The following STX18 variants were observed in gnomAD, a reference collection of about 807,000 sequenced individuals.
STX18 encodes syntaxin-18.
Under a neutral mutation model 50.1 loss-of-function variants are expected in STX18, and 40 were observed. That is an observed-to-expected ratio of 0.80 (90% CI 0.62 to 1.04). The LOEUF is 1.04. Ranked by LOEUF, STX18 falls within the 50% of genes least tolerant of loss-of-function variation. STX18 has a pLI of 0.00. For missense variants in STX18, 410 were observed against 415.8 expected, an observed-to-expected ratio of 0.99 and a Z score of 0.12; for synonymous variants, 158 against 151.8, an observed-to-expected ratio of 1.04 and a Z score of -0.30.
At chr4:4,513,241 G>T (rs975250677) in intron 1 of STX18, among the ~76,000 whole-genome samples, 1 of 152,134 alleles carries the variant, frequency 6.6e-6, no homozygotes, top group African/African-American at 2.4e-5. Context: ...CTGATAGAGG[G>T]GGGGACCCTC....
intron 1 of STX18, among the ~76,000 whole-genome samples, chr4:4,540,693 G>A (rs943969887): frequency 6.6e-6 from 1 of 152,210 alleles, no homozygotes; most frequent in African/African-American, 2.4e-5. Context: ...AGGCTGGTCA[G>A]AAGGTAGGTG....
chr4:4,469,866 C>T (rs1369388003), intron 2 of STX18, among the ~76,000 whole-genome samples: 2 of 152,066 alleles, frequency 1.3e-5, no homozygotes, highest in Non-Finnish European at 2.9e-5. Flanking sequence ...CTGAGAGACC[C>T]TATTAGAGGT....
intron 5 of STX18, among the ~76,000 whole-genome samples, chr4:4,449,256 G>A (rs188084455): frequency 4.1e-5 from 6 of 145,816 alleles, no homozygotes; most frequent in East Asian, 3.9e-4. Context: ...TATATTGCCC[G>A]GGTTGGTCTT....
intron 7 of STX18, chr4:4,425,611 C>A (rs936501644): frequency 1.8e-5 from 4 of 217,126 alleles, no homozygotes; most frequent in Non-Finnish European, 3.7e-5. Flanking sequence ...TACTGAAGGA[C>A]TATACATATT....
Position 4,447,546 on chromosome 4 carries a change from G to A in STX18, c.498-9037C>T, listed in dbSNP as rs370863712. Among the ~76,000 whole-genome samples, 499 of 124,004 alleles carry A rather than the reference G, an allele frequency of 4.0e-3. 24 individuals are homozygous for A. The East Asian group carries it at 0.11, about 28-fold the overall frequency. 81.4% of individuals were successfully genotyped at this position (124,004 alleles called of 152,430 possible). A position where few individuals can be genotyped will look rare whatever the true frequency, so the allele number is the denominator to read the frequency against. On this transcript the variant is annotated intron_variant, in intron 5 of 10. Transcript: ENST00000306200. ...GCGGAGCTTGCAGTGAGCCGAGATC[G>A]CGCCACTGCACTCCAGCCTGGGCGA...
intron 1 of STX18, among the ~76,000 whole-genome samples, chr4:4,535,382 T>C (rs1250531523): frequency 6.6e-6 from 1 of 152,170 alleles, no homozygotes; most frequent in Non-Finnish European, 1.5e-5. Context: ...ACTCACAATC[T>C]CATGAAAACT....
At chr4:4,463,612 G>A (rs936767331) in intron 2 of STX18, among the ~76,000 whole-genome samples, 2 of 152,112 alleles carry the variant, frequency 1.3e-5, no homozygotes, top group Non-Finnish European at 2.9e-5. Context: ...CAACCACCTC[G>A]TCAACCTAAC....
chr4:4,540,355 C>G (rs560323257), intron 1 of STX18, among the ~76,000 whole-genome samples: 1 of 152,208 alleles, frequency 6.6e-6, no homozygotes, highest in Non-Finnish European at 1.5e-5. Context: ...CCTTTAAGAT[C>G]TCCGCGTCCA....
At chr4:4,442,960 T>A (rs1394981524) in intron 5 of STX18, among the ~76,000 whole-genome samples, 1 of 152,210 alleles carries the variant, frequency 6.6e-6, no homozygotes, top group Admixed American at 6.5e-5. Flanking sequence ...TGATGCATAT[T>A]AACAACTACA....
intron 1 of STX18, among the ~76,000 whole-genome samples, chr4:4,524,566 C>A (rs968112176): frequency 6.6e-6 from 1 of 152,204 alleles, no homozygotes; most frequent in East Asian, 1.9e-4. Flanking sequence ...GAAAGTGAGG[C>A]CTGCAAGTGC....
In STX18 at chr4:4,425,164, C is replaced by T; in HGVS notation, c.761G>A (p.Arg254Lys). The change falls in exon 8 of 11, where the codon AGG becomes AAG. Residue 254 changes from arginine to lysine, a missense_variant and splice_region_variant. By Grantham distance (26) the Arg-to-Lys change is conservative (BLOSUM62 2). Transcript: ENST00000306200. ...GEMNSLFDEV[R>K]QIEGRVVEIS... ...GCTCACAGAGGAGCTACAAACATAC[C>T]TCACTTCATCAAACAAGCTGTTCAT... The T allele has an allele frequency of 6.2e-7, 1 of 1,613,984 alleles. No individual in the cohort carries two copies. Among genetic ancestry groups the T allele is most frequent in the Non-Finnish European group, 8.5e-7 (1 of 1,179,816 alleles).
intron 1 of STX18, among the ~76,000 whole-genome samples, chr4:4,491,766 C>T (rs1395824013): frequency 6.6e-6 from 1 of 152,040 alleles, no homozygotes; most frequent in Non-Finnish European, 1.5e-5. Context: ...GGATCTAGCG[C>T]AGCCACAGTG....
At chr4:4,462,430 T>C (rs1391663787) in intron 2 of STX18, among the ~76,000 whole-genome samples, 1 of 152,172 alleles carries the variant, frequency 6.6e-6, no homozygotes, top group Non-Finnish European at 1.5e-5. Context: ...CATGGCAGGA[T>C]TGGGACTGGA....
At chr4:4,507,114 A>G in intron 1 of STX18, 1 of 555,994 alleles carries the variant, frequency 1.8e-6, no homozygotes, top group Non-Finnish European at 3.5e-6. Context: ...GTGAAGCCCA[A>G]TGGCAAGAAG....
intron 7 of STX18, among the ~76,000 whole-genome samples, chr4:4,429,055 C>T (rs992692354): frequency 1.2e-4 from 19 of 152,162 alleles, no homozygotes; most frequent in African/African-American, 3.4e-4. Flanking sequence ...GCACTCTCCC[C>T]CACCCTCCAA....
rs1725092764 is a variant in STX18, at chr4:4,423,759, G to A, written c.762-172C>T. The A allele has an allele frequency of 4.7e-6, 3 of 643,618 alleles. No homozygotes were observed. In the African/African-American group the frequency reaches 5.5e-5, roughly 12 times the overall value. The allele number at this position is 643,618 out of a possible 1,614,324, so 39.9% of individuals were successfully genotyped here. On this transcript the variant is annotated intron_variant, in intron 8 of 10. Transcript: ENST00000306200. ...GAGAGGAAGGCGAACTCTCCTTACT[G>A]GGTCACCTTCCCTGTCTTCTGGCAT...
chr4:4,529,318 C>T (rs1032350286), intron 1 of STX18, among the ~76,000 whole-genome samples: 8 of 152,046 alleles, frequency 5.3e-5, no homozygotes, highest in Non-Finnish European at 1.2e-4. Context: ...ATCAAGATCG[C>T]GCCACTGCAC....
chr4:4,512,675 C>T (rs1203694003), intron 1 of STX18, among the ~76,000 whole-genome samples: 1 of 152,166 alleles, frequency 6.6e-6, no homozygotes, highest in Non-Finnish European at 1.5e-5. Flanking sequence ...GAGTTAGGTA[C>T]TCTGGGAAGC....
At chr4:4,500,960 C>G (rs1352651116) in intron 1 of STX18, among the ~76,000 whole-genome samples, 3 of 152,126 alleles carry the variant, frequency 2.0e-5, no homozygotes, top group South Asian at 4.1e-4. Context: ...TTGCTAGAAC[C>G]TAGGAGAAGG....
Sources: gnomAD v4.1 joint callset for allele counts (sites outside exome capture counted in the v4.1 genomes callset) on GRCh38, gnomAD v4.1.1 for gene constraint, MANE v1.5 for transcripts, NCBI Gene and HGNC (gene_info 2026-07-23, HGNC 2026-07-21) for gene names.